The following DLEU7 variants were observed in gnomAD, a reference collection of about 807,000 sequenced individuals.
The protein encoded by DLEU7 is leukemia-associated protein 7.
A neutral mutation model predicts 16.0 loss-of-function variants in DLEU7; 17 were observed. The ratio of observed to expected loss-of-function variants is 1.06; its 90% CI spans 0.73 to 1.59. The LOEUF (loss-of-function observed/expected upper bound fraction) is 1.59, where lower values mean the gene tolerates loss of function less well. Among genes scored for constraint, DLEU7 ranks in the 40% most tolerant of loss-of-function variants. The pLI is 0.00. For missense variants in DLEU7, 308 were observed against 314.9 expected (o/e 0.98, Z 0.17); for synonymous variants, 113 against 139.8 (o/e 0.81, Z 1.35).
chr13:50,817,393 G>T (rs1026603851), intron 1 of DLEU7, among the ~76,000 whole-genome samples: 1 of 152,174 alleles, frequency 6.6e-6, no homozygotes, highest in African/African-American at 2.4e-5. Context: ...ACATACTAGG[G>T]CTGTGACAGC....
At chr13:50,811,197 T>C (rs893397479) in intron 1 of DLEU7, among the ~76,000 whole-genome samples, 1 of 152,174 alleles carries the variant, frequency 6.6e-6, no homozygotes, top group African/African-American at 2.4e-5. Flanking sequence ...AAGGTCACTT[T>C]TGGTCCTTTT....
chr13:50,740,283 A>C (rs1593536076), intron 1 of DLEU7, among the ~76,000 whole-genome samples: 1 of 152,304 alleles, frequency 6.6e-6, no homozygotes, highest in East Asian at 1.9e-4. Context: ...CATTCTTTCA[A>C]CATCTGGAAT....
At chr13:50,816,110 C>T (rs9535497) in intron 1 of DLEU7, among the ~76,000 whole-genome samples, 74,647 of 151,720 alleles carry the variant, frequency 0.49, 18,790 homozygotes, top group Middle Eastern at 0.57. Context: ...CCACATTCCA[C>T]GTAATTGTGG....
chr13:50,788,364 T>C (rs1217467935), intron 1 of DLEU7, among the ~76,000 whole-genome samples: 1 of 152,060 alleles, frequency 6.6e-6, no homozygotes, highest in African/African-American at 2.4e-5. Flanking sequence ...CTGTGACATC[T>C]CCCAACACAT....
At chr13:50,746,036 G>C (rs1209294239) in intron 1 of DLEU7, among the ~76,000 whole-genome samples, 1 of 152,122 alleles carries the variant, frequency 6.6e-6, no homozygotes, top group Non-Finnish European at 1.5e-5. Context: ...CAAGGCCATA[G>C]ACAGCTGTGC....
At chr13:50,774,187 C>G (rs932208602) in intron 1 of DLEU7, among the ~76,000 whole-genome samples, 5 of 152,156 alleles carry the variant, frequency 3.3e-5, no homozygotes, top group Non-Finnish European at 7.4e-5. Flanking sequence ...CTTCCCTTGG[C>G]TAGGAAAGGG....
At chr13:50,753,534 C>T (rs1470539785) in intron 1 of DLEU7, among the ~76,000 whole-genome samples, 2 of 152,240 alleles carry the variant, frequency 1.3e-5, no homozygotes, top group Non-Finnish European at 2.9e-5. Flanking sequence ...GTACATCCTC[C>T]ACAGCCGCTG....
chr13:50,717,968 A>T (rs1445939264), intron 1 of DLEU7, among the ~76,000 whole-genome samples: 2 of 152,230 alleles, frequency 1.3e-5, no homozygotes, highest in African/African-American at 4.8e-5. Flanking sequence ...GGGAAAATTT[A>T]AAATCTTGCT....
At chr13:50,830,774 A>G (rs1877238066) in intron 1 of DLEU7, among the ~76,000 whole-genome samples, 1 of 152,160 alleles carries the variant, frequency 6.6e-6, no homozygotes, top group East Asian at 1.9e-4. Context: ...CCCACATGGC[A>G]CAGGGACTTT....
rs1873754323 is a variant in DLEU7, at chr13:50,726,045, A to C, written c.460-12805T>G. ...TCAGGCCTCAAGGATACAAAGATCA[A>C]TGCAGTGTGATTCCTGCCTTCAAGG... On this transcript the variant is annotated intron_variant, in intron 1 of 1. Coordinates refer to the DLEU7 transcript ENST00000400393. This position sits in a 1 kb window ranked among gnomAD's most constrained non-coding sequence, Gnocchi z 4.0. 6.6e-6 allele frequency among the ~76,000 whole-genome samples: 1 copy of C among 152,248 alleles called. No homozygotes were observed. Among genetic ancestry groups the C allele is most frequent in the Non-Finnish European group, 1.5e-5 (1 of 68,036 alleles).
intron 1 of DLEU7, among the ~76,000 whole-genome samples, chr13:50,817,424 T>C (rs1393459320): frequency 6.6e-6 from 1 of 152,180 alleles, no homozygotes; most frequent in Non-Finnish European, 1.5e-5. Context: ...GGTTCTGGTA[T>C]GTAGCTAAGT....
At chr13:50,815,720 G>A (rs1876714252) in intron 1 of DLEU7, among the ~76,000 whole-genome samples, 1 of 152,134 alleles carries the variant, frequency 6.6e-6, no homozygotes, top group Non-Finnish European at 1.5e-5. Context: ...ATTTGTGAAT[G>A]TTTTGTGATT....
chr13:50,833,000 C>A (rs1359272111), intron 1 of DLEU7, among the ~76,000 whole-genome samples: 2 of 152,196 alleles, frequency 1.3e-5, no homozygotes, highest in Non-Finnish European at 2.9e-5. Flanking sequence ...TTCAACAGCC[C>A]TTCATGCTAA....
intron 1 of DLEU7, among the ~76,000 whole-genome samples, chr13:50,788,606 G>A (rs899430114): frequency 6.6e-6 from 1 of 152,146 alleles, no homozygotes; most frequent in African/African-American, 2.4e-5. Context: ...AGAGTGACAA[G>A]CAGAGTGAGA....
At chr13:50,836,499 C>T (rs1030051735) in intron 1 of DLEU7, among the ~76,000 whole-genome samples, 5 of 151,896 alleles carry the variant, frequency 3.3e-5, no homozygotes, top group African/African-American at 9.7e-5. Flanking sequence ...ATGGTGAAAC[C>T]CTGTCTCTAC....
chr13:50,804,220 A>G (rs370593763), intron 1 of DLEU7, among the ~76,000 whole-genome samples: 1 of 151,784 alleles, frequency 6.6e-6, no homozygotes, highest in Non-Finnish European at 1.5e-5. Flanking sequence ...CCTTTATATG[A>G]ACTTTAGAAT....
chr13:50,753,426 C>T lies in DLEU7; in HGVS notation c.460-40186G>A, dbSNP rs1375310285. On this transcript the variant is annotated intron_variant, in intron 1 of 1. Transcript: ENST00000400393. ...GAGGGGGTGGGAGGCTCAGGCATGG[C>T]GGGCTGCAGGCCCCGAGCCCTGCCC... 4.6e-5 allele frequency among the ~76,000 whole-genome samples: 7 copies of T among 152,220 alleles called. No homozygotes were observed. In the East Asian group the frequency reaches 7.7e-4, roughly 17 times the overall value.
chr13:50,788,812 G>C (rs117123640), intron 1 of DLEU7, among the ~76,000 whole-genome samples: 1 of 152,046 alleles, frequency 6.6e-6, no homozygotes, highest in African/African-American at 2.4e-5. Flanking sequence ...GTTTGGGAGC[G>C]GGGAGCAAAA....
At chr13:50,841,737 C>CAAA (rs200036592) in intron 1 of DLEU7, among the ~76,000 whole-genome samples, 1 of 104,854 alleles carries the variant, frequency 9.5e-6, no homozygotes, top group African/African-American at 3.3e-5. Context: ...GACCTTGTCT[C>CAAA]AAAAAAAAAA....
Sources: gnomAD v4.1 joint callset for allele counts (sites outside exome capture counted in the v4.1 genomes callset) on GRCh38, gnomAD v4.1.1 for gene constraint, Gnocchi (gnomAD v3.1) non-coding constraint, MANE v1.5 for transcripts, NCBI Gene and HGNC (gene_info 2026-07-23, HGNC 2026-07-21) for gene names.